CREB1: variants seen among roughly 807,000 people sequenced by gnomAD.
CREB1 encodes cyclic AMP-responsive element-binding protein 1.
CREB1 carries 2 observed loss-of-function variants against 42.0 expected under a neutral mutation model. That is an observed-to-expected ratio of 0.05 (90% CI 0.02 to 0.15). The LOEUF is 0.15. CREB1 is among the 10% of genes least tolerant of loss of function. The probability of loss-of-function intolerance (pLI) is 1.00; values close to 1 mark genes in which losing one functional copy is unlikely to be tolerated. For synonymous variants in CREB1, 123 were observed against 139.9 expected (o/e 0.88, Z 0.85); for missense variants, 199 against 388.9 (o/e 0.51, Z 4.11).
Position 207,603,199 on chromosome 2 carries a change from AAAG to A in CREB1, c.*6144_*6146del, listed in dbSNP as rs2087402894. On this transcript the variant is annotated 3_prime_UTR_variant, in exon 8 of 8. Coordinates refer to ENST00000353267, the MANE Select transcript of CREB1 (RefSeq NM_004379.5). ...CTAAATCTTTTTGTGCTTTATGTGT[AAAG>A]AAAAAAATGTACTGAGTTACAATGC... is the stretch of plus-strand genomic sequence containing the variant. The A allele has an allele frequency of 4.6e-6, 1 of 215,732 alleles. No individual in the cohort carries two copies. Among genetic ancestry groups the A allele is most frequent in the Non-Finnish European group, 9.3e-6 (1 of 107,180 alleles). 13.4% of individuals were successfully genotyped at this position (215,732 alleles called of 1,614,324 possible).
rs71036937 is a variant in CREB1 at position 207,600,238 on chromosome 2, CATATATATAT to C, written c.*3196_*3205del. On this transcript the variant is annotated 3_prime_UTR_variant, in exon 8 of 8. Transcript: ENST00000353267. Reference sequence around the variant, plus strand: ...GTGGCATTTGTATAATATATGTGTACATATATATATATATATATATATATACATACAGTAT... The same window carrying C: ...GTGGCATTTGTATAATATATGTGTACATATATATATATATACATACAGTAT... The C allele has an allele frequency of 3.4e-5, 5 of 145,690 alleles. No individual in the cohort carries two copies. Among genetic ancestry groups the C allele is most frequent in the East Asian group, 1.6e-4 (1 of 6,128 alleles). 9.0% of individuals were successfully genotyped at this position (145,690 alleles called of 1,614,324 possible).
chr2:207,537,118 G>A (rs1193437956), intron 1 of CREB1, among the ~76,000 whole-genome samples: 4 of 151,964 alleles, frequency 2.6e-5, no homozygotes, highest in African/African-American at 9.7e-5. Flanking sequence ...GCAGTGGTGC[G>A]ATCTCAGCTC....
Position 207,604,877 on chromosome 2 carries a change from A to C in CREB1, c.*7819A>C, listed in dbSNP as rs2087825316. On this transcript the variant is annotated 3_prime_UTR_variant, in exon 8 of 8. Transcript: ENST00000353267. Reference sequence around the variant, plus strand: ...TAGCTTTAATGTGTTGTTGAGGTTGATCCATTGTAACATGTTATCACTACT... The same window carrying C: ...TAGCTTTAATGTGTTGTTGAGGTTGCTCCATTGTAACATGTTATCACTACT... 6.6e-6 allele frequency among the ~76,000 whole-genome samples: 1 copy of C among 152,158 alleles called. No individual in the cohort carries two copies. The highest frequency in any genetic ancestry group is 1.5e-5 in the Non-Finnish European group (1 of 68,042).
Position 207,601,815 on chromosome 2 carries a change from A to G in CREB1, c.*4757A>G. On this transcript the variant is annotated 3_prime_UTR_variant, in exon 8 of 8. Transcript: ENST00000353267. ...AAGGCTGTAGGTGAAGAGTTGTGAG[A>G]TAAATAGTTCACTCAGTTGTACAAA... is the stretch of plus-strand genomic sequence containing the variant. The G allele has an allele frequency of 4.6e-6, 1 of 219,392 alleles. No homozygotes were observed. The highest frequency in any genetic ancestry group is 9.1e-6 in the Non-Finnish European group (1 of 109,384). 13.6% of individuals were successfully genotyped at this position (219,392 alleles called of 1,614,324 possible). A position where few individuals can be genotyped will look rare whatever the true frequency, so the allele number is the denominator to read the frequency against.
At chr2:207,536,560 A>G (rs2080878656) in intron 1 of CREB1, among the ~76,000 whole-genome samples, 1 of 152,172 alleles carries the variant, frequency 6.6e-6, no homozygotes, top group South Asian at 2.1e-4. Context: ...TGTCTTAAGA[A>G]AAAAACAAAA....
chr2:207,534,089 T>C (rs1339979228), intron 1 of CREB1, among the ~76,000 whole-genome samples: 1 of 152,272 alleles, frequency 6.6e-6, no homozygotes, highest in Non-Finnish European at 1.5e-5. Flanking sequence ...AGGCAAGTTA[T>C]CTTAACTTCT....
intron 7 of CREB1, 181 bp downstream of exon 7, chr2:207,577,836 A>G: frequency 4.5e-6 from 3 of 665,128 alleles, no homozygotes; most frequent in South Asian, 1.8e-5. Flanking sequence ...AGATAGCTGT[A>G]TGATTATGGG....
In CREB1 at chr2:207,602,831, G is replaced by A. The variant is rs747815445; in HGVS notation, c.*5773G>A. On this transcript the variant is annotated 3_prime_UTR_variant, in exon 8 of 8. Transcript: ENST00000353267. ...GGGTGGCAAAGAAGAGTGCTAGTTAGCAGTTTTCCATGTAAAGTTGTCCTT... is the reference window on the plus strand; with the variant it reads ...GGGTGGCAAAGAAGAGTGCTAGTTAACAGTTTTCCATGTAAAGTTGTCCTT... 3 of 218,412 alleles carry A rather than the reference G, an allele frequency of 1.4e-5. No homozygotes were observed. The highest frequency in any genetic ancestry group is 2.2e-5 in the African/African-American group (1 of 44,504). 13.5% of individuals were successfully genotyped at this position (218,412 alleles called of 1,614,324 possible). A position where few individuals can be genotyped will look rare whatever the true frequency, so the allele number is the denominator to read the frequency against.
intron 3 of CREB1, among the ~76,000 whole-genome samples, chr2:207,565,647 G>A (rs1218599931): frequency 6.6e-6 from 1 of 152,158 alleles, no homozygotes; most frequent in Non-Finnish European, 1.5e-5. Context: ...CAACTTGGAA[G>A]GGGGGTGTTC....
At chr2:207,553,173 A>G (rs1055541069) in intron 1 of CREB1, among the ~76,000 whole-genome samples, 6 of 146,768 alleles carry the variant, frequency 4.1e-5, no homozygotes, top group South Asian at 2.1e-4. Flanking sequence ...GGTTCAAGCA[A>G]TTCTCCTGCC....
intron 1 of CREB1, among the ~76,000 whole-genome samples, chr2:207,547,500 A>G (rs1283419134): frequency 6.6e-6 from 1 of 151,940 alleles, no homozygotes; most frequent in Non-Finnish European, 1.5e-5. Flanking sequence ...TTTTTTTCTT[A>G]AAAAAATGAG....
chr2:207,545,858 C>G (rs763629225), intron 1 of CREB1, among the ~76,000 whole-genome samples: 20 of 151,864 alleles, frequency 1.3e-4, no homozygotes, highest in Admixed American at 1.1e-3. Flanking sequence ...CTCAGCCTCC[C>G]GAGTAGCTGG....
intron 2 of CREB1, among the ~76,000 whole-genome samples, chr2:207,558,285 T>TG (rs1047007565): frequency 2.0e-5 from 3 of 152,114 alleles, no homozygotes; most frequent in African/African-American, 7.2e-5. Flanking sequence ...CTCTACAAAT[T>TG]CAGATGTCAG....
intron 7 of CREB1, among the ~76,000 whole-genome samples, chr2:207,587,774 G>A (rs989330329): frequency 3.3e-5 from 5 of 152,164 alleles, no homozygotes; most frequent in Non-Finnish European, 5.9e-5. Flanking sequence ...GTAAAATTGT[G>A]GGTATTAGAG....
chr2:207,536,491 G>C (rs562510952), intron 1 of CREB1, among the ~76,000 whole-genome samples: 1 of 152,176 alleles, frequency 6.6e-6, no homozygotes, highest in South Asian at 2.1e-4. Flanking sequence ...GAAGGCAGAG[G>C]TTGCAGTGAG....
In CREB1 at chr2:207,574,837, A is replaced by G. The variant is rs542487457; in HGVS notation, c.506-435A>G. ...TAAAACAACCATTTATTGGGTGCCT[A>G]TTTCATGGCTGCCACTGTGCTAAGT... On this transcript the variant is annotated intron_variant, in intron 5 of 7. Transcript: ENST00000353267. 4.6e-5 allele frequency among the ~76,000 whole-genome samples: 7 copies of G among 152,312 alleles called. No individual in the cohort carries two copies. The East Asian group carries it at 5.8e-4, about 13-fold the overall frequency.
At chr2:207,565,544 C>T (rs1271410830) in intron 3 of CREB1, among the ~76,000 whole-genome samples, 2 of 147,190 alleles carry the variant, frequency 1.4e-5, no homozygotes, top group African/African-American at 5.0e-5. Context: ...AAAAAGGACA[C>T]AGATTAAAAA....
intron 5 of CREB1, among the ~76,000 whole-genome samples, chr2:207,572,316 A>G (rs2082399368): frequency 6.6e-6 from 1 of 152,132 alleles, no homozygotes; most frequent in African/African-American, 2.4e-5. Context: ...GTATATGTAC[A>G]CATGGCTTTG....
chr2:207,593,152 C>T (rs892320472), intron 7 of CREB1, among the ~76,000 whole-genome samples: 29 of 152,198 alleles, frequency 1.9e-4, no homozygotes, highest in African/African-American at 6.8e-4. Flanking sequence ...AATTTCCATG[C>T]CACTGCTGAA....
Sources: gnomAD v4.1 joint callset for allele counts (sites outside exome capture counted in the v4.1 genomes callset) on GRCh38, gnomAD v4.1.1 for gene constraint, MANE v1.5 for transcripts, NCBI Gene and HGNC (gene_info 2026-07-23, HGNC 2026-07-21) for gene names.